The following SORT1 variants were observed in gnomAD, a reference collection of about 807,000 sequenced individuals.
The protein encoded by SORT1 is sortilin 1.
In SORT1, 39 loss-of-function variants were observed where a neutral mutation model predicts 101.7. The observed-to-expected ratio is 0.38, with a 90% confidence interval of 0.30 to 0.50. The LOEUF is 0.50. Among genes scored for constraint, SORT1 ranks in the 20% least tolerant of loss-of-function variants. The pLI, the probability that SORT1 is intolerant of heterozygous loss-of-function variation, is 0.90. For synonymous variants in SORT1, 396 were observed against 393.7 expected (o/e 1.01, Z -0.07); for missense variants, 878 against 1,040.4 (o/e 0.84, Z 2.15).
chr1:109,359,108 G>A (rs1308920126), intron 3 of SORT1, among the ~76,000 whole-genome samples: 4 of 152,162 alleles, frequency 2.6e-5, no homozygotes, highest in Non-Finnish European at 5.9e-5. Flanking sequence ...ATTTCTCACT[G>A]TTCTGGAGGC....
chr1:109,351,341 A>G (rs1649945294), intron 5 of SORT1, among the ~76,000 whole-genome samples: 1 of 152,342 alleles, frequency 6.6e-6, no homozygotes, highest in South Asian at 2.1e-4. Context: ...GTTCAACACT[A>G]TGCAGAGTTA....
At chr1:109,333,714 A>G (rs1186220092) in intron 11 of SORT1, among the ~76,000 whole-genome samples, 1 of 152,228 alleles carries the variant, frequency 6.6e-6, no homozygotes, top group Non-Finnish European at 1.5e-5. Flanking sequence ...ATCTCACCCA[A>G]GTTAGAATGG....
chr1:109,339,661 G>T (rs538503850), intron 10 of SORT1, among the ~76,000 whole-genome samples: 1 of 152,278 alleles, frequency 6.6e-6, no homozygotes, highest in East Asian at 1.9e-4. Flanking sequence ...ACAACCATGT[G>T]GAAAACCCAT....
intron 17 of SORT1, among the ~76,000 whole-genome samples, chr1:109,316,632 C>T (rs1647236272): frequency 6.6e-6 from 1 of 152,180 alleles, no homozygotes. Flanking sequence ...TATCATCCCC[C>T]AACCCTCAAT....
At chr1:109,389,353 T>C (rs1267583184) in intron 1 of SORT1, among the ~76,000 whole-genome samples, 1 of 151,990 alleles carries the variant, frequency 6.6e-6, no homozygotes, top group Non-Finnish European at 1.5e-5. Context: ...AGAAAAAGAG[T>C]AGAATTCACA....
chr1:109,365,280 G>A (rs944511206), intron 3 of SORT1, among the ~76,000 whole-genome samples: 2 of 152,204 alleles, frequency 1.3e-5, no homozygotes, highest in Non-Finnish European at 2.9e-5. Flanking sequence ...CTGGAGTGCA[G>A]TGATGTGATC....
intron 11 of SORT1, among the ~76,000 whole-genome samples, chr1:109,329,096 C>T (rs1211761808): frequency 6.6e-6 from 1 of 152,186 alleles, no homozygotes; most frequent in Non-Finnish European, 1.5e-5. Flanking sequence ...TGTCAGTTGC[C>T]CCCCCAAGAA....
intron 6 of SORT1, among the ~76,000 whole-genome samples, chr1:109,349,190 C>A (rs184262428): frequency 6.6e-6 from 1 of 151,806 alleles, no homozygotes; most frequent in Non-Finnish European, 1.5e-5. Flanking sequence ...ACTAAAAATA[C>A]AAAAGTTAGC....
chr1:109,330,614 A>G (rs1285590674), intron 11 of SORT1, among the ~76,000 whole-genome samples: 2 of 152,190 alleles, frequency 1.3e-5, no homozygotes, highest in Non-Finnish European at 2.9e-5. Flanking sequence ...AGAAGGGAGG[A>G]AATAATAACA....
At chr1:109,375,864 T>G (rs899511033) in intron 1 of SORT1, among the ~76,000 whole-genome samples, 2 of 152,120 alleles carry the variant, frequency 1.3e-5, no homozygotes, top group African/African-American at 4.8e-5. Flanking sequence ...CAAGTGAAAC[T>G]ATTTTTCAAA....
chr1:109,379,161 T>A (rs1652066831), intron 1 of SORT1, among the ~76,000 whole-genome samples: 1 of 149,138 alleles, frequency 6.7e-6, no homozygotes, highest in Non-Finnish European at 1.5e-5. Context: ...AAAAAAAAAA[T>A]AGCTGTGTTG....
At chr1:109,339,202 C>G (rs1206930553) in intron 10 of SORT1, among the ~76,000 whole-genome samples, 1 of 152,186 alleles carries the variant, frequency 6.6e-6, no homozygotes, top group Non-Finnish European at 1.5e-5. Flanking sequence ...ATGTGTACTT[C>G]CTTCAGCTGA....
intron 9 of SORT1, 81 bp from the exon 10 acceptor site, chr1:109,340,960 C>T (rs1465592734): frequency 3.6e-6 from 4 of 1,111,748 alleles, no homozygotes; most frequent in Non-Finnish European, 3.9e-6. Context: ...CACACGATTA[C>T]CTGCCTGACC....
intron 5 of SORT1, among the ~76,000 whole-genome samples, chr1:109,353,939 A>T (rs1650130219): frequency 6.6e-6 from 1 of 152,222 alleles, no homozygotes; most frequent in East Asian, 1.9e-4. Context: ...CATGAGGGTC[A>T]AAGACAGAAA....
chr1:109,343,805 C>T (rs756800221), intron 8 of SORT1, among the ~76,000 whole-genome samples: 43 of 152,126 alleles, frequency 2.8e-4, no homozygotes, highest in Non-Finnish European at 3.8e-4. Context: ...TGCGCCACCA[C>T]GCTTGGCTAA....
intron 3 of SORT1, among the ~76,000 whole-genome samples, chr1:109,359,296 A>G (rs1481887015): frequency 1.3e-5 from 2 of 152,032 alleles, no homozygotes; most frequent in African/African-American, 2.4e-5. Flanking sequence ...CTTATGACCT[A>G]ATCACTTACC....
intron 10 of SORT1, among the ~76,000 whole-genome samples, chr1:109,340,052 G>A (rs188481200): frequency 1.2e-3 from 176 of 151,098 alleles, no homozygotes; most frequent in Non-Finnish European, 1.9e-3. Flanking sequence ...AGGAGGCTGA[G>A]GCAGGAGAAT....
intron 1 of SORT1, among the ~76,000 whole-genome samples, chr1:109,387,875 C>T (rs1375680048): frequency 1.3e-5 from 2 of 151,840 alleles, no homozygotes; most frequent in Non-Finnish European, 1.5e-5. Context: ...GCTTGAGCCC[C>T]AGAGGCGGAG....
rs775647545 is a variant in SORT1, at chr1:109,336,338, T to C, written c.1273A>G (p.Ile425Val). The change falls in exon 11 of 20, where the codon ATC (isoleucine) becomes GTC (valine). Residue 425 changes from isoleucine to valine, a missense_variant. This residue lies in a region of SORT1 where 684 missense variants were observed against 894.5 expected (regional missense o/e 0.76). Transcript: ENST00000256637. ...TGGTCAAAAGTGATCATGGTCTGGA[T>C]AGAATTATCTGAATGGGAAGAGAAC... is the stretch of plus-strand genomic sequence containing the variant. ...ITSVLSEDNS[I>V]QTMITFDQGG... is the part of the protein sequence containing the mutation. 10 of 1,600,130 alleles carry C rather than the reference T, an allele frequency of 6.2e-6. No individual in the cohort carries two copies. The highest frequency in any genetic ancestry group is 1.6e-4 in the Middle Eastern group (1 of 6,070).
Sources: gnomAD v4.1 joint callset for allele counts (sites outside exome capture counted in the v4.1 genomes callset) on GRCh38, gnomAD v4.1.1 for gene constraint, gnomAD v4.1.1 regional missense constraint, MANE v1.5 for transcripts, NCBI Gene and HGNC (gene_info 2026-07-23, HGNC 2026-07-21) for gene names.